The following RPL39L variants were observed in gnomAD, a reference collection of about 807,000 sequenced individuals.
RPL39L encodes the protein ribosomal protein L39 like, also known as ribosomal protein eL39-like 2.
For missense variants in RPL39L, 48 were observed against 58.9 expected, an observed-to-expected ratio of 0.81 and a Z score of 0.61; for synonymous variants, 16 against 20.1, an observed-to-expected ratio of 0.80 and a Z score of 0.55.
chr3:187,124,607 G>C (rs942797595), intron 2 of RPL39L, among the ~76,000 whole-genome samples: 1 of 152,108 alleles, frequency 6.6e-6, no homozygotes, highest in Non-Finnish European at 1.5e-5. Context: ...CAAGGCACTA[G>C]TGCTTGTAAA....
rs182362640 is a variant in RPL39L, at chr3:187,129,152, G to C, written c.-92-1090C>G. 3.7e-4 allele frequency among the ~76,000 whole-genome samples: 57 copies of C among 152,330 alleles called. No homozygotes were observed. In the East Asian group the frequency reaches 6.5e-3, roughly 17 times the overall value. ...CAGATGGTCAGACAAGTGAAAGGCA[G>C]TTTTTGCACCATGTGAGTTAATACA... On this transcript the variant is annotated intron_variant, in intron 1 of 2. Transcript: ENST00000296277.
At chr3:187,134,703 CTA>C (rs1173214977) in intron 1 of RPL39L, among the ~76,000 whole-genome samples, 1 of 152,108 alleles carries the variant, frequency 6.6e-6, no homozygotes, top group African/African-American at 2.4e-5. Flanking sequence ...CTAAGTAGTT[CTA>C]TGTCTATTAA....
chr3:187,124,089 T>A (rs1230514526), intron 2 of RPL39L, among the ~76,000 whole-genome samples: 1 of 152,176 alleles, frequency 6.6e-6, no homozygotes, highest in Non-Finnish European at 1.5e-5. Context: ...GAGGGCAGTT[T>A]TACCTTAAAA....
chr3:187,135,646 A>T (rs1720566949), intron 1 of RPL39L, among the ~76,000 whole-genome samples: 1 of 152,230 alleles, frequency 6.6e-6, no homozygotes, highest in African/African-American at 2.4e-5. Flanking sequence ...CAGACGGGTA[A>T]GCAGTGAATA....
chr3:187,122,247 C>G (rs1720322730), intron 2 of RPL39L, among the ~76,000 whole-genome samples: 1 of 152,186 alleles, frequency 6.6e-6, no homozygotes, highest in African/African-American at 2.4e-5. Context: ...GGGCCAGAGA[C>G]ACAGTAGTTA....
chr3:187,135,516 C>T (rs1720560108), intron 1 of RPL39L, among the ~76,000 whole-genome samples: 1 of 152,200 alleles, frequency 6.6e-6, no homozygotes. Flanking sequence ...CTCCTCCTTG[C>T]TTTCTGCCAT....
In RPL39L at chr3:187,121,085, C is replaced by T. The variant is rs970751453; in HGVS notation, c.*60G>A. 7.6e-6 allele frequency: 12 copies of T among 1,576,434 alleles called. No homozygotes were observed. The highest frequency in any genetic ancestry group is 5.6e-5 in the South Asian group (5 of 89,254). On this transcript the variant is annotated 3_prime_UTR_variant, in exon 3 of 3. Coordinates refer to ENST00000296277, the MANE Select transcript of RPL39L (RefSeq NM_052969.3). ...AGTGGTGACATTTTCAGCTTGATAT[C>T]GTAAGATGATCGTGAACTTGATACA...
chr3:187,137,319 G>A (rs1033370830), intron 1 of RPL39L, among the ~76,000 whole-genome samples: 1 of 151,516 alleles, frequency 6.6e-6, no homozygotes, highest in African/African-American at 2.4e-5. Context: ...GACCAGCCTG[G>A]CCAACATGGT....
At chr3:187,137,375 T>TG (rs1291661140) in intron 1 of RPL39L, among the ~76,000 whole-genome samples, 2 of 150,448 alleles carry the variant, frequency 1.3e-5, no homozygotes, top group Non-Finnish European at 1.5e-5. Context: ...GACAGCGTGG[T>TG]GGCACATGCC....
chr3:187,125,434 T>C (rs769817193), intron 2 of RPL39L, among the ~76,000 whole-genome samples: 1 of 152,198 alleles, frequency 6.6e-6, no homozygotes, highest in Non-Finnish European at 1.5e-5. Context: ...AAAGCCTCTA[T>C]GTGATGTGAA....
intron 2 of RPL39L, among the ~76,000 whole-genome samples, chr3:187,122,722 C>T (rs1403598755): frequency 1.3e-5 from 2 of 152,166 alleles, no homozygotes; most frequent in Non-Finnish European, 2.9e-5. Flanking sequence ...CACTGCCATC[C>T]TTAGCAGTAA....
chr3:187,129,361 A>T (rs1720449905), intron 1 of RPL39L, among the ~76,000 whole-genome samples: 1 of 152,214 alleles, frequency 6.6e-6, no homozygotes, highest in Non-Finnish European at 1.5e-5. Context: ...CTCATAATGT[A>T]ACCTTCACCA....
intron 2 of RPL39L, among the ~76,000 whole-genome samples, chr3:187,122,580 C>T (rs1176643519): frequency 6.6e-6 from 1 of 152,088 alleles, no homozygotes; most frequent in East Asian, 1.9e-4. Context: ...CCCTAACATG[C>T]AGGCAGGAAG....
chr3:187,121,229 GGGGAT>G lies in RPL39L; in HGVS notation c.67_71del (p.Ile23ProfsTer9). 1 of 1,613,912 alleles carries G rather than the reference GGGGAT, an allele frequency of 6.2e-7. No individual in the cohort carries two copies. Among genetic ancestry groups the G allele is most frequent in the East Asian group, 2.2e-5 (1 of 44,886 alleles). On this transcript the variant is annotated frameshift_variant, in exon 3 of 3. Coordinates refer to ENST00000296277, the MANE Select transcript of RPL39L (RefSeq NM_052969.3). LOFTEE classifies it high-confidence loss of function. ...TACCAGGTTTCATCTGAATCCACTGGGGGATGGGACGATTTTGCTTTTGTTTCTTG... is the reference window on the plus strand; with the variant it reads ...TACCAGGTTTCATCTGAATCCACTGGGGGACGATTTTGCTTTTGTTTCTTG...
chr3:187,136,866 T>G (rs1720588952), intron 1 of RPL39L, among the ~76,000 whole-genome samples: 1 of 152,192 alleles, frequency 6.6e-6, no homozygotes, highest in Non-Finnish European at 1.5e-5. Flanking sequence ...AAATACCATT[T>G]AAGCATGTAA....
At position 187,121,117 on chromosome 3, in the gene RPL39L, A is replaced by G. The variant is rs747620695; in HGVS notation, c.*28T>C. 5 of 1,611,236 alleles carry G rather than the reference A, an allele frequency of 3.1e-6. No individual in the cohort carries two copies. Among genetic ancestry groups the G allele is most frequent in the Non-Finnish European group, 4.2e-6 (5 of 1,178,734 alleles). On this transcript the variant is annotated 3_prime_UTR_variant, in exon 3 of 3. Coordinates refer to ENST00000296277, the MANE Select transcript of RPL39L (RefSeq NM_052969.3). ...TGATCGTGAACTTGATACAGCATAA[A>G]TATGTGTGCCATCTCATGTGCAATT...
intron 1 of RPL39L, among the ~76,000 whole-genome samples, chr3:187,138,279 A>G (rs1054588647): frequency 2.0e-5 from 3 of 152,210 alleles, no homozygotes; most frequent in African/African-American, 7.2e-5. Context: ...AAGAATTTCA[A>G]GATTGCCATA....
chr3:187,125,005 A>G (rs1354009969), intron 2 of RPL39L, among the ~76,000 whole-genome samples: 1 of 152,236 alleles, frequency 6.6e-6, no homozygotes, highest in Non-Finnish European at 1.5e-5. Flanking sequence ...AAGAAATGGT[A>G]GCCATAATAA....
chr3:187,137,334 C>T lies in RPL39L; in HGVS notation c.-93+1879G>A, dbSNP rs977327017. 1.7e-4 allele frequency among the ~76,000 whole-genome samples: 26 copies of T among 151,142 alleles called. 1 individual carries two copies. Among genetic ancestry groups the T allele is most frequent in the African/African-American group, 6.1e-4 (25 of 41,082 alleles). On this transcript the variant is annotated intron_variant, in intron 1 of 2. Coordinates refer to ENST00000296277, the MANE Select transcript of RPL39L (RefSeq NM_052969.3). The stretch of plus-strand genomic sequence containing the variant: ...GACCAGCCTGGCCAACATGGTGAAA[C>T]CCCGTCTCTACTAAAAATACAAAAT...
Sources: gnomAD v4.1 joint callset for allele counts (sites outside exome capture counted in the v4.1 genomes callset) on GRCh38, gnomAD v4.1.1 for gene constraint, MANE v1.5 for transcripts, NCBI Gene and HGNC (gene_info 2026-07-23, HGNC 2026-07-21) for gene names.